TENM2: variants seen among roughly 807,000 people sequenced by gnomAD.
TENM2 encodes the protein teneurin transmembrane protein 2.
In TENM2, 52 loss-of-function variants were observed where a neutral mutation model predicts 245.2. The ratio of observed to expected loss-of-function variants is 0.21; its 90% CI spans 0.17 to 0.27. TENM2 has a LOEUF of 0.27. Ranked by LOEUF, TENM2 falls within the 10% of genes least tolerant of loss-of-function variation. TENM2 has a pLI of 1.00. For missense variants in TENM2, 3,046 were observed against 3,666.8 expected (o/e 0.83, Z 4.37); for synonymous variants, 1,363 against 1,438.9 (o/e 0.95, Z 1.19).
chr5:167,111,924 G>A, the TENM2 span, among the ~76,000 whole-genome samples: 2 of 151,982 alleles, frequency 1.3e-5, no homozygotes, highest in African/African-American at 2.4e-5. Flanking sequence ...TTCTGCATTC[G>A]ATTTACTAAT....
intron 2 of TENM2, among the ~76,000 whole-genome samples, chr5:167,764,451 G>T (rs749039956): frequency 4.6e-5 from 7 of 152,162 alleles, no homozygotes; most frequent in Non-Finnish European, 7.4e-5. Context: ...CTGTCTTATT[G>T]TCATATCTCA....
chr5:167,634,370 T>G (rs971785955), intron 2 of TENM2, among the ~76,000 whole-genome samples: 1 of 152,190 alleles, frequency 6.6e-6, no homozygotes, highest in African/African-American at 2.4e-5. Context: ...GAATTCTCTA[T>G]TTGTAGTTTT....
chr5:168,131,906 C>G (rs759848305), intron 12 of TENM2, among the ~76,000 whole-genome samples: 41 of 152,292 alleles, frequency 2.7e-4, no homozygotes, highest in Non-Finnish European at 5.0e-4. Flanking sequence ...CTTATTAGAA[C>G]TATCCTTGGA....
exon 13 of TENM2, chr5:168,162,710 A>G (rs1000532253): frequency 1.6e-5 from 26 of 1,613,908 alleles, no homozygotes; most frequent in Non-Finnish European, 2.0e-5. Flanking sequence ...CCCGGATGCA[A>G]CGTTGCCATG....
chr5:167,563,448 G>A (rs996218055), intron 2 of TENM2, among the ~76,000 whole-genome samples: 4 of 152,092 alleles, frequency 2.6e-5, no homozygotes, highest in South Asian at 2.1e-4. Flanking sequence ...TGACCACAAG[G>A]CTACTTCTGT....
chr5:167,174,693 T>G, the TENM2 span, among the ~76,000 whole-genome samples: 1 of 152,140 alleles, frequency 6.6e-6, no homozygotes. Flanking sequence ...ACATCTACTT[T>G]TGGCACATTT....
intron 3 of TENM2, among the ~76,000 whole-genome samples, chr5:167,941,174 C>T (rs1238538257): frequency 6.6e-6 from 1 of 152,188 alleles, no homozygotes; most frequent in African/African-American, 2.4e-5. Context: ...GATAGAGCAA[C>T]TTGCATGGCT....
At chr5:167,982,359 G>A (rs565444582) in intron 4 of TENM2, among the ~76,000 whole-genome samples, 2 of 152,292 alleles carry the variant, frequency 1.3e-5, no homozygotes, top group South Asian at 4.1e-4. Flanking sequence ...ATGCATCCAA[G>A]CATCTAGTAC....
the TENM2 span, among the ~76,000 whole-genome samples, chr5:167,262,007 A>G: frequency 6.6e-6 from 1 of 152,158 alleles, no homozygotes; most frequent in African/African-American, 2.4e-5. Context: ...CAGGTTCCTC[A>G]TGTTTAAAAT....
chr5:168,150,594 G>A (rs1218094395), intron 12 of TENM2, among the ~76,000 whole-genome samples: 1 of 152,244 alleles, frequency 6.6e-6, no homozygotes, highest in African/African-American at 2.4e-5. Flanking sequence ...ACCTGAAATG[G>A]CCATTCAGTA....
At chr5:168,185,972 TTATA>T (rs1213986912) in intron 13 of TENM2, 1 of 5,798 alleles carries the variant, frequency 1.7e-4, no homozygotes, top group Non-Finnish European at 2.9e-4. Context: ...ATATTTGAAT[TTATA>T]TATATATATA....
chr5:167,901,164 T>C (rs563448336), intron 3 of TENM2, among the ~76,000 whole-genome samples: 4 of 152,192 alleles, frequency 2.6e-5, no homozygotes, highest in African/African-American at 7.2e-5. Flanking sequence ...CCTTTTGATA[T>C]ATAACTTCCT....
chr5:167,302,102 A>T (rs1755364450), intron 1 of TENM2, among the ~76,000 whole-genome samples: 1 of 152,112 alleles, frequency 6.6e-6, no homozygotes, highest in African/African-American at 2.4e-5. Flanking sequence ...GAGACTATGG[A>T]GGGACTGATG....
At chr5:167,704,610 A>G (rs1758380807) in intron 2 of TENM2, among the ~76,000 whole-genome samples, 1 of 152,214 alleles carries the variant, frequency 6.6e-6, no homozygotes, top group South Asian at 2.1e-4. Flanking sequence ...CAATGAAGGA[A>G]GAGGGCAGTA....
At chr5:167,077,001 C>A in the TENM2 span, among the ~76,000 whole-genome samples, 2 of 152,034 alleles carry the variant, frequency 1.3e-5, no homozygotes, top group African/African-American at 4.8e-5. Flanking sequence ...AATTTTTGTA[C>A]TTTTGGTAAA....
the TENM2 span, among the ~76,000 whole-genome samples, chr5:167,181,448 TC>T: frequency 2.4e-4 from 35 of 146,990 alleles, no homozygotes; most frequent in African/African-American, 6.1e-4. Context: ...TTTTTTTTTT[TC>T]CTAGGGAGCC....
chr5:168,094,906 T>C (rs942270959), intron 8 of TENM2, among the ~76,000 whole-genome samples: 4 of 151,890 alleles, frequency 2.6e-5, no homozygotes, highest in African/African-American at 9.7e-5. Context: ...CAGCATTAGA[T>C]TATCATAGGA....
At chr5:167,925,666 G>A (rs534534731) in intron 3 of TENM2, among the ~76,000 whole-genome samples, 6 of 152,102 alleles carry the variant, frequency 3.9e-5, no homozygotes, top group Non-Finnish European at 7.3e-5. Context: ...AATGTTCATC[G>A]CAGCACTATT....
chr5:167,353,708 C>T (rs1418319283), intron 1 of TENM2, among the ~76,000 whole-genome samples: 1 of 151,456 alleles, frequency 6.6e-6, no homozygotes, highest in East Asian at 1.9e-4. Context: ...GGGGTTTCAC[C>T]GTTTTAGCCG....
Sources: gnomAD v4.1 joint callset for allele counts (sites outside exome capture counted in the v4.1 genomes callset) on GRCh38, gnomAD v4.1.1 for gene constraint, MANE v1.5 for transcripts, NCBI Gene and HGNC (gene_info 2026-07-23, HGNC 2026-07-21) for gene names.